The following CCSER1 variants were observed in gnomAD, a reference collection of about 807,000 sequenced individuals.
CCSER1 encodes serine-rich coiled-coil domain-containing protein 1.
Under a neutral mutation model 82.0 loss-of-function variants are expected in CCSER1, and 41 were observed. The observed-to-expected ratio is 0.50, with a 90% CI of 0.39 to 0.65. The LOEUF (loss-of-function observed/expected upper bound fraction) is 0.65. CCSER1 is among the 30% of genes least tolerant of loss of function. The probability of loss-of-function intolerance (pLI) is 0.00; values close to 1 mark genes in which losing one functional copy is unlikely to be tolerated. For synonymous variants in CCSER1, 414 were observed against 383.9 expected, an observed-to-expected ratio of 1.08 and a Z score of -0.92; for missense variants, 1,119 against 1,064.2, an observed-to-expected ratio of 1.05 and a Z score of -0.72.
At chr4:90,671,646 T>C (rs1228798274) in intron 6 of CCSER1, among the ~76,000 whole-genome samples, 1 of 152,042 alleles carries the variant, frequency 6.6e-6, no homozygotes, top group East Asian at 1.9e-4. Context: ...TCCAAACTCC[T>C]GTTAATGTTG....
intron 9 of CCSER1, among the ~76,000 whole-genome samples, chr4:90,931,270 T>C (rs1281121964): frequency 1.3e-5 from 2 of 151,810 alleles, no homozygotes; most frequent in African/African-American, 4.8e-5. Context: ...ATTAGATGCA[T>C]TCTTTAATTT....
chr4:91,348,950 C>A (rs1748263759), intron 10 of CCSER1, among the ~76,000 whole-genome samples: 1 of 152,090 alleles, frequency 6.6e-6, no homozygotes. Flanking sequence ...ACTCTGCCCC[C>A]CAGGCTGGAG....
chr4:90,753,867 C>A (rs1749097921), intron 7 of CCSER1, among the ~76,000 whole-genome samples: 1 of 152,152 alleles, frequency 6.6e-6, no homozygotes, highest in Non-Finnish European at 1.5e-5. Context: ...GCAATGCTGG[C>A]CTTCATGTTG....
chr4:91,157,638 C>T (rs1348360290), intron 10 of CCSER1, among the ~76,000 whole-genome samples: 1 of 151,906 alleles, frequency 6.6e-6, no homozygotes, highest in Non-Finnish European at 1.5e-5. Context: ...ATGGTAATGC[C>T]AGGGACAGCA....
At chr4:91,072,450 G>A (rs1371172551) in intron 9 of CCSER1, among the ~76,000 whole-genome samples, 1 of 151,750 alleles carries the variant, frequency 6.6e-6, no homozygotes, top group East Asian at 1.9e-4. Flanking sequence ...TTATTATTTT[G>A]CATTTACTTC....
At chr4:91,462,872 G>T (rs564555024) in intron 10 of CCSER1, among the ~76,000 whole-genome samples, 1 of 152,138 alleles carries the variant, frequency 6.6e-6, no homozygotes, top group Non-Finnish European at 1.5e-5. Flanking sequence ...AGCTTGAACT[G>T]GGTAGAGCCC....
At chr4:90,852,398 C>T (rs550471878) in intron 8 of CCSER1, among the ~76,000 whole-genome samples, 30 of 152,298 alleles carry the variant, frequency 2.0e-4, no homozygotes, top group Non-Finnish European at 3.4e-4. Context: ...CACTCTTCTA[C>T]GAGACTACTT....
At chr4:91,578,663 C>G (rs1763572929) in intron 10 of CCSER1, among the ~76,000 whole-genome samples, 1 of 151,966 alleles carries the variant, frequency 6.6e-6, no homozygotes, top group South Asian at 2.1e-4. Context: ...AGAAACACTG[C>G]ACGCTGATGG....
chr4:91,435,450 A>AAG (rs1007061316), intron 10 of CCSER1, among the ~76,000 whole-genome samples: 1 of 151,858 alleles, frequency 6.6e-6, no homozygotes, highest in African/African-American at 2.4e-5. Context: ...CAAAAAAAAA[A>AAG]AAATGTATCT....
chr4:90,160,206 AG>A (rs1317270206), intron 1 of CCSER1, among the ~76,000 whole-genome samples: 1 of 152,008 alleles, frequency 6.6e-6, no homozygotes, highest in Admixed American at 6.6e-5. Flanking sequence ...GGTGGAGGAG[AG>A]GGAGTAGACT....
intron 10 of CCSER1, among the ~76,000 whole-genome samples, chr4:91,490,910 ATATATATATATATATAT>A (rs1560712436): frequency 2.4e-5 from 2 of 82,464 alleles, no homozygotes; most frequent in African/African-American, 1.0e-4. Flanking sequence ...ATATATATAT[ATATATATATATATATAT>A]AAAATATGCG....
intron 10 of CCSER1, among the ~76,000 whole-genome samples, chr4:91,155,734 C>CA (rs1346558647): frequency 2.0e-5 from 3 of 151,490 alleles, no homozygotes; most frequent in East Asian, 1.9e-4. Flanking sequence ...CAGAAACTAT[C>CA]AAAAAAATTG....
chr4:90,551,706 C>CTCTCTCTCTCTCTCTATATATATATATA, intron 5 of CCSER1, among the ~76,000 whole-genome samples: 1 of 104,238 alleles, frequency 9.6e-6, no homozygotes, highest in African/African-American at 4.6e-5. Flanking sequence ...CTCTCTCTCT[C>CTCTCTCTCTCTCTCTATATATATATATA]TATATATATA....
chr4:90,918,739 A>G (rs1295231489), intron 8 of CCSER1, among the ~76,000 whole-genome samples: 2 of 143,854 alleles, frequency 1.4e-5, no homozygotes, highest in Non-Finnish European at 3.0e-5. Context: ...GTCAGATTCT[A>G]TGAATATCCA....
intron 7 of CCSER1, among the ~76,000 whole-genome samples, chr4:90,789,569 A>C (rs570669863): frequency 1.3e-5 from 2 of 151,858 alleles, no homozygotes; most frequent in African/African-American, 2.4e-5. Flanking sequence ...CACTTCCCAC[A>C]TGTCTTTGGA....
intron 10 of CCSER1, among the ~76,000 whole-genome samples, chr4:91,507,852 G>A (rs1355038248): frequency 1.3e-5 from 2 of 151,428 alleles, no homozygotes; most frequent in African/African-American, 4.8e-5. Context: ...CTTTTATTGT[G>A]TTTTCCAATT....
At chr4:91,052,932 A>G (rs1387404144) in intron 9 of CCSER1, among the ~76,000 whole-genome samples, 25 of 152,216 alleles carry the variant, frequency 1.6e-4, no homozygotes, top group Non-Finnish European at 5.9e-5. Flanking sequence ...TACATAGCTT[A>G]AAGTATTTAA....
chr4:90,869,963 G>A lies in CCSER1; in HGVS notation c.2095-53407G>A, dbSNP rs147096961. On this transcript the variant is annotated intron_variant, in intron 8 of 10. Transcript: ENST00000509176. ...GTATTTTACTTTATTTGTAGCTATT[G>A]TAAATGGGAACACTTTCTAGATTTC... 9.2e-5 allele frequency among the ~76,000 whole-genome samples: 14 copies of A among 151,698 alleles called. No individual in the cohort carries two copies. In the East Asian group the frequency reaches 2.7e-3, roughly 29 times the overall value.
At chr4:90,516,865 C>G (rs1348495458) in intron 5 of CCSER1, among the ~76,000 whole-genome samples, 1 of 152,030 alleles carries the variant, frequency 6.6e-6, no homozygotes, top group African/African-American at 2.4e-5. Context: ...GATTATAATA[C>G]TTTTATGAGG....
Sources: allele counts gnomAD v4.1 joint callset (sites outside exome capture counted in the v4.1 genomes callset), GRCh38; gene constraint gnomAD v4.1.1; transcripts MANE v1.5; gene names NCBI Gene and HGNC (gene_info 2026-07-23, HGNC 2026-07-21).